Variants in TBC1D8 observed in about 807,000 individuals in gnomAD.
TBC1D8 encodes the protein BUB2-like protein 1.
In TBC1D8, 65 loss-of-function variants were observed where a neutral mutation model predicts 118.8. The observed-to-expected ratio is 0.55, with a 90% CI of 0.45 to 0.67. The LOEUF is 0.67. Among genes scored for constraint, TBC1D8 ranks in the 30% least tolerant of loss-of-function variants. The pLI is 0.00. For synonymous variants in TBC1D8, 566 were observed against 595.8 expected (o/e 0.95, Z 0.73); for missense variants, 1,376 against 1,471.2 (o/e 0.94, Z 1.06).
At chr2:101,132,916 A>G (rs1678656684) in intron 1 of TBC1D8, among the ~76,000 whole-genome samples, 1 of 152,050 alleles carries the variant, frequency 6.6e-6, no homozygotes, top group Admixed American at 6.6e-5. Context: ...TGCAATAAAA[A>G]TATTCTTATA....
chr2:101,056,578 C>T (rs1354903024), intron 3 of TBC1D8, among the ~76,000 whole-genome samples: 2 of 152,032 alleles, frequency 1.3e-5, no homozygotes, highest in African/African-American at 4.8e-5. Flanking sequence ...TCTCTATTTC[C>T]CACATTTCAT....
At chr2:101,138,766 C>T (rs935857606) in intron 1 of TBC1D8, among the ~76,000 whole-genome samples, 3 of 152,144 alleles carry the variant, frequency 2.0e-5, no homozygotes, top group Admixed American at 2.0e-4. Context: ...CCCTGGAGCT[C>T]CCCAAACCCT....
chr2:101,034,690 A>G (rs1479452388), intron 9 of TBC1D8, among the ~76,000 whole-genome samples: 1 of 152,224 alleles, frequency 6.6e-6, no homozygotes, highest in East Asian at 1.9e-4. Flanking sequence ...AGGAATGCAG[A>G]CCTTGGGCAG....
chr2:101,111,663 T>C (rs1233991390), intron 1 of TBC1D8, among the ~76,000 whole-genome samples: 1 of 152,232 alleles, frequency 6.6e-6, no homozygotes, highest in Non-Finnish European at 1.5e-5. Context: ...CTCAGGTGTC[T>C]GGAGCGAGTT....
chr2:101,065,227 T>A (rs533917094), intron 2 of TBC1D8, among the ~76,000 whole-genome samples: 1 of 152,318 alleles, frequency 6.6e-6, no homozygotes, highest in African/African-American at 2.4e-5. Flanking sequence ...TAAGTCCTAA[T>A]CAACAATGAA....
chr2:101,135,029 G>A (rs780708845), intron 1 of TBC1D8, among the ~76,000 whole-genome samples: 4 of 152,206 alleles, frequency 2.6e-5, no homozygotes, highest in Middle Eastern at 3.4e-3. Flanking sequence ...ATAATTAGCC[G>A]GGTGTGGTGG....
chr2:101,136,166 G>T (rs1423398615), intron 1 of TBC1D8, among the ~76,000 whole-genome samples: 3 of 152,110 alleles, frequency 2.0e-5, no homozygotes, highest in African/African-American at 4.8e-5. Flanking sequence ...GTTGAAATTT[G>T]ATCTCCAGTG....
intron 2 of TBC1D8, among the ~76,000 whole-genome samples, chr2:101,073,286 A>ATTTTTTTTTT (rs1558676266): frequency 4.9e-5 from 7 of 142,858 alleles, no homozygotes; most frequent in African/African-American, 1.9e-4. Context: ...ATTTTATTTT[A>ATTTTTTTTTT]TTTTATTTTA....
chr2:101,054,079 C>A, intron 4 of TBC1D8, 29 bp downstream of exon 4: 1 of 1,584,974 alleles, frequency 6.3e-7, no homozygotes, highest in Non-Finnish European at 8.6e-7. Context: ...CCAACTTTAT[C>A]TTGGAAGAGC....
At chr2:101,036,448 A>T (rs1468497567) in intron 8 of TBC1D8, among the ~76,000 whole-genome samples, 1 of 151,288 alleles carries the variant, frequency 6.6e-6, no homozygotes, top group East Asian at 1.9e-4. Context: ...AAGGCTGATA[A>T]CAAGGGTATG....
At chr2:101,059,355 T>C in intron 3 of TBC1D8, 66 bp downstream of exon 3, 1 of 1,271,844 alleles carries the variant, frequency 7.9e-7, no homozygotes, top group Non-Finnish European at 1.1e-6. Flanking sequence ...TATGCTACAG[T>C]GTTCGGAATG....
chr2:101,123,309 A>G (rs949359360), intron 1 of TBC1D8, among the ~76,000 whole-genome samples: 1 of 152,068 alleles, frequency 6.6e-6, no homozygotes, highest in African/African-American at 2.4e-5. Flanking sequence ...GCTCCTTCCC[A>G]ATGTGGATGC....
intron 2 of TBC1D8, among the ~76,000 whole-genome samples, chr2:101,079,287 C>A (rs1207789008): frequency 1.3e-5 from 2 of 152,192 alleles, no homozygotes; most frequent in Non-Finnish European, 2.9e-5. Context: ...TCAAGTCCTG[C>A]TCTACGCAGA....
intron 2 of TBC1D8, among the ~76,000 whole-genome samples, chr2:101,069,187 G>T (rs1329893065): frequency 1.3e-5 from 2 of 151,382 alleles, no homozygotes; most frequent in Non-Finnish European, 2.9e-5. Context: ...AGTCTACTCG[G>T]GAGGCTGAGG....
chr2:101,050,437 T>A lies in TBC1D8; in HGVS notation c.836A>T (p.Asp279Val), dbSNP rs1573938350. 1 of 1,613,370 alleles carries A rather than the reference T, an allele frequency of 6.2e-7. No homozygotes were observed. Among genetic ancestry groups the A allele is most frequent in the Non-Finnish European group, 8.5e-7 (1 of 1,179,852 alleles). Reference protein sequence around the residue: ...RLLDNEVFDLDPDLQEPSQIT... With the variant: ...RLLDNEVFDLVPDLQEPSQIT... The stretch of plus-strand genomic sequence containing the variant: ...CTGGCTCGGCTCCTGCAGATCGGGG[T>A]CGAGGTCAAAGACCTCATTATCCAG... The change falls in exon 5 of 20, where the codon GAC becomes GTC. Residue 279 changes from aspartate (D) to valine (V), a missense_variant. Physicochemically the swap from Asp to Val is radical, Grantham distance 152. Transcript: ENST00000409318.
In TBC1D8 at chr2:101,066,699, C is replaced by A. The variant is rs1233466645; in HGVS notation, c.284-7160G>T. On this transcript the variant is annotated intron_variant, in intron 2 of 19. Coordinates refer to ENST00000409318, the MANE Select transcript of TBC1D8 (RefSeq NM_001330348.2). ...CAGTGGCTCATGCCTGTAATCCCAG[C>A]ACACTGGGAGGCTGAGGCGGGCAGA... Among the ~76,000 whole-genome samples the A allele has an allele frequency of 2.6e-5, 4 of 152,132 alleles. 1 individual carries two copies. The highest frequency in any genetic ancestry group is 5.9e-5 in the Non-Finnish European group (4 of 68,028).
chr2:101,044,756 T>C (rs1045884138), intron 5 of TBC1D8, among the ~76,000 whole-genome samples: 3 of 152,170 alleles, frequency 2.0e-5, no homozygotes, highest in Admixed American at 2.0e-4. Context: ...ATCACCTTTT[T>C]GTTTTTGTTT....
chr2:101,088,218 C>T (rs901183202), intron 2 of TBC1D8, among the ~76,000 whole-genome samples: 2 of 152,168 alleles, frequency 1.3e-5, no homozygotes, highest in Admixed American at 6.5e-5. Flanking sequence ...CTTTGGGTGG[C>T]TGGGATTTGG....
chr2:101,022,847 A>C (rs1680122974), intron 15 of TBC1D8, among the ~76,000 whole-genome samples: 1 of 152,108 alleles, frequency 6.6e-6, no homozygotes, highest in African/African-American at 2.4e-5. Flanking sequence ...TTTCACTTAA[A>C]ATCCTACTTT....
Sources: allele counts gnomAD v4.1 joint callset (sites outside exome capture counted in the v4.1 genomes callset), GRCh38; gene constraint gnomAD v4.1.1; transcripts MANE v1.5; gene names NCBI Gene and HGNC (gene_info 2026-07-23, HGNC 2026-07-21).